ESCO2: variants seen among roughly 807,000 people sequenced by gnomAD.
ESCO2 encodes the protein N-acetyltransferase ESCO2.
In ESCO2, 51 loss-of-function variants were observed where a neutral mutation model predicts 61.7. The observed-to-expected ratio is 0.83, with a 90% confidence interval of 0.66 to 1.04. ESCO2 has a LOEUF of 1.04. Ranked by LOEUF, ESCO2 falls within the 50% of genes least tolerant of loss-of-function variation. ESCO2 has a pLI of 0.00. For synonymous variants in ESCO2, 230 were observed against 238.2 expected, an observed-to-expected ratio of 0.97 and a Z score of 0.32; for missense variants, 692 against 686.2, an observed-to-expected ratio of 1.01 and a Z score of -0.09.
chr8:27,773,928 C>T (rs1194349566), upstream of ESCO2, among the ~76,000 whole-genome samples: 1 of 151,996 alleles, frequency 6.6e-6, no homozygotes, highest in Non-Finnish European at 1.5e-5. Flanking sequence ...TTGGGTTCTC[C>T]GTTGTATTAT....
Position 27,803,870 on chromosome 8 carries a change from A to G in ESCO2, c.*432A>G, listed in dbSNP as rs982741772. 4.0e-6 allele frequency: 4 copies of G among 990,780 alleles called. No individual in the cohort carries two copies. The highest frequency in any genetic ancestry group is 9.2e-5 in the South Asian group (2 of 21,696). The allele number at this position is 990,780 out of a possible 1,614,324, so 61.4% of individuals were successfully genotyped here. A position where few individuals can be genotyped will look rare whatever the true frequency, so the allele number is the denominator to read the frequency against. On this transcript the variant is annotated 3_prime_UTR_variant, in exon 11 of 11. Coordinates refer to ENST00000305188, the MANE Select transcript of ESCO2 (RefSeq NM_001017420.3). The stretch of plus-strand genomic sequence containing the variant: ...AGGCAAATTTAAACTTGGGCAAGTA[A>G]TTTCTGTGCCCAATTTGTAAAGGGA...
intron 10 of ESCO2, among the ~76,000 whole-genome samples, chr8:27,800,355 A>G (rs1805396850): frequency 6.6e-6 from 1 of 152,230 alleles, no homozygotes; most frequent in African/African-American, 2.4e-5. Context: ...TAAATTGCAA[A>G]TGGTTAATTC....
chr8:27,799,396 A>G (rs1805373678), intron 9 of ESCO2, 145 bp from the exon 10 acceptor site: 3 of 877,648 alleles, frequency 3.4e-6, no homozygotes, highest in Non-Finnish European at 5.5e-6. Context: ...GACTAAAGGG[A>G]TAAGAATTTA....
downstream of ESCO2, chr8:27,808,285 A>G: frequency 2.9e-6 from 3 of 1,046,874 alleles, no homozygotes; most frequent in Middle Eastern, 2.5e-4. Flanking sequence ...TTATGGAGGC[A>G]TAACAAGCTC....
At chr8:27,800,785 C>T (rs1050740769) in intron 10 of ESCO2, among the ~76,000 whole-genome samples, 1 of 152,148 alleles carries the variant, frequency 6.6e-6, no homozygotes, top group Admixed American at 6.5e-5. Flanking sequence ...TTCTGGCACA[C>T]ACTGCAACAT....
intron 5 of ESCO2, among the ~76,000 whole-genome samples, chr8:27,784,600 G>A (rs1473954892): frequency 6.6e-6 from 1 of 152,144 alleles, no homozygotes; most frequent in African/African-American, 2.4e-5. Flanking sequence ...AAAGCTGGCT[G>A]GAGGAGTAAG....
At chr8:27,796,574 T>C (rs899447528) in intron 9 of ESCO2, among the ~76,000 whole-genome samples, 1 of 152,182 alleles carries the variant, frequency 6.6e-6, no homozygotes, top group African/African-American at 2.4e-5. Context: ...TGTGTTGTGT[T>C]TCCATTTTCA....
chr8:27,808,241 CA>C, downstream of ESCO2: 1 of 1,239,372 alleles, frequency 8.1e-7, no homozygotes, highest in Non-Finnish European at 1.0e-6. Flanking sequence ...GAATCATCTT[CA>C]ACATTTCTCA....
chr8:27,812,667 AACAG>A (rs1805715438), downstream of ESCO2: 2 of 152,094 alleles, frequency 1.3e-5, no homozygotes, highest in Non-Finnish European at 2.9e-5. Context: ...AAAGGATATG[AACAG>A]ACAACTTCTC....
At chr8:27,773,027 C>T (rs1804689085), upstream of ESCO2, among the ~76,000 whole-genome samples, 1 of 152,136 alleles carries the variant, frequency 6.6e-6, no homozygotes, top group Non-Finnish European at 1.5e-5. Flanking sequence ...CTCAGAGGTC[C>T]TCCTGCTATA....
downstream of ESCO2, chr8:27,812,731 A>G (rs1805717228): frequency 6.6e-6 from 1 of 152,166 alleles, no homozygotes; most frequent in South Asian, 2.1e-4. Context: ...GCTCATCATC[A>G]CTGGTCATCA....
chr8:27,787,279 ATAGG>A (rs1354813013), intron 5 of ESCO2, among the ~76,000 whole-genome samples: 2 of 152,018 alleles, frequency 1.3e-5, no homozygotes, highest in Admixed American at 1.3e-4. Flanking sequence ...TTCTTTCATA[ATAGG>A]TAAAGGTTGT....
chr8:27,798,350 CT>C (rs1350874112), intron 9 of ESCO2, among the ~76,000 whole-genome samples: 2 of 151,960 alleles, frequency 1.3e-5, no homozygotes, highest in African/African-American at 2.4e-5. Context: ...ATCCCAGCTA[CT>C]TGGGAGGTTG....
At position 27,787,999 on chromosome 8, in the gene ESCO2, C is replaced by G. The variant is rs140062105; in HGVS notation, c.1128C>G (p.Ile376Met). The part of the protein sequence containing the change: ...DTSKKTKDQL[I>M]IDAGQKHFGA... ...GTAAAAAAACAAAAGACCAGCTCAT[C>G]ATCGTGAGTAAATTCCAAACAAAGC... Residue 376 changes from isoleucine to methionine, a missense_variant, in exon 6 of 11, where the codon ATC becomes ATG. Ile to Met is a conservative substitution (Grantham distance 10). Coordinates refer to ENST00000305188, the MANE Select transcript of ESCO2 (RefSeq NM_001017420.3). 261 of 1,604,288 alleles carry G rather than the reference C, an allele frequency of 1.6e-4. No homozygotes were observed. Among genetic ancestry groups the G allele is most frequent in the South Asian group, 9.8e-4 (89 of 90,882 alleles).
Position 27,791,997 on chromosome 8 carries a change from G to C in ESCO2, c.1298G>C (p.Trp433Ser). ...AAAGAACGTGTAGTAGCAGAGTTTT[G>C]GGATGGGAAAATCGTGTTGGTTCTG... ...WKKERVVAEF[W>S]DGKIVLVLPH... The change falls in exon 8 of 11, where the codon TGG becomes TCG. Residue 433 changes from tryptophan (W) to serine (S), a missense_variant. Physicochemically the swap from Trp to Ser is radical, Grantham distance 177. Coordinates refer to ENST00000305188, the MANE Select transcript of ESCO2 (RefSeq NM_001017420.3). The C allele has an allele frequency of 6.2e-7, 1 of 1,613,792 alleles. No homozygotes were observed. Among genetic ancestry groups the C allele is most frequent in the South Asian group, 1.1e-5 (1 of 91,048 alleles).
chr8:27,782,943 A>C (rs573363392), intron 4 of ESCO2, among the ~76,000 whole-genome samples: 1 of 152,008 alleles, frequency 6.6e-6, no homozygotes, highest in South Asian at 2.1e-4. Context: ...TCTGCATTCC[A>C]TCTTAGGCTA....
chr8:27,778,156 A>G (rs1804841394), intron 3 of ESCO2: 1 of 152,242 alleles, frequency 6.6e-6, no homozygotes, highest in Non-Finnish European at 1.5e-5. Flanking sequence ...ACATGGCAAT[A>G]ATCAGAGCTG....
intron 8 of ESCO2, 123 bp downstream of exon 8, chr8:27,792,175 C>A: frequency 1.1e-6 from 1 of 893,742 alleles, no homozygotes; most frequent in Non-Finnish European, 1.8e-6. Flanking sequence ...TGATTACTTT[C>A]ATAGCAATTT....
chr8:27,814,113 A>G (rs955218749), downstream of ESCO2, among the ~76,000 whole-genome samples: 1 of 152,160 alleles, frequency 6.6e-6, no homozygotes, highest in Non-Finnish European at 1.5e-5. Context: ...ATTTTCTGAA[A>G]AAGTTTGTGT....
Sources: allele counts gnomAD v4.1 joint callset (sites outside exome capture counted in the v4.1 genomes callset), GRCh38; gene constraint gnomAD v4.1.1; transcripts MANE v1.5; gene names NCBI Gene and HGNC (gene_info 2026-07-23, HGNC 2026-07-21).